The following ALDH1A2 variants were observed in gnomAD, a reference collection of about 807,000 sequenced individuals.
The protein encoded by ALDH1A2 is aldehyde dehydrogenase 1 family member A2.
Under a neutral mutation model 60.3 loss-of-function variants are expected in ALDH1A2, and 27 were observed. The ratio of observed to expected loss-of-function variants is 0.45; its 90% CI spans 0.33 to 0.62. ALDH1A2 has a LOEUF of 0.62. Among genes scored for constraint, ALDH1A2 ranks in the 20% least tolerant of loss-of-function variants. ALDH1A2 has a pLI of 0.02. For synonymous variants in ALDH1A2, 289 were observed against 232.4 expected, an observed-to-expected ratio of 1.24 and a Z score of -2.21; for missense variants, 581 against 643.8, an observed-to-expected ratio of 0.90 and a Z score of 1.06.
At chr15:57,977,132 T>G (rs1894286860) in intron 7 of ALDH1A2, among the ~76,000 whole-genome samples, 2 of 152,132 alleles carry the variant, frequency 1.3e-5, no homozygotes, top group Admixed American at 1.3e-4. Flanking sequence ...TTTAAGTTCC[T>G]TGTAGAGTCT....
intron 1 of ALDH1A2, among the ~76,000 whole-genome samples, chr15:58,045,966 T>C (rs1452267092): frequency 6.6e-6 from 1 of 152,032 alleles, no homozygotes; most frequent in African/African-American, 2.4e-5. Context: ...TAAGTACAAT[T>C]TCCTTTTGTC....
At chr15:58,021,118 T>C (rs1397649520) in intron 1 of ALDH1A2, among the ~76,000 whole-genome samples, 1 of 152,154 alleles carries the variant, frequency 6.6e-6, no homozygotes, top group African/African-American at 2.4e-5. Flanking sequence ...AACTATATCT[T>C]TATTATTTTG....
At chr15:58,053,759 T>C (rs897820389) in intron 1 of ALDH1A2, among the ~76,000 whole-genome samples, 1 of 152,168 alleles carries the variant, frequency 6.6e-6, no homozygotes, top group East Asian at 1.9e-4. Flanking sequence ...TTATGCTCAA[T>C]GTGCTGAACA....
intron 1 of ALDH1A2, among the ~76,000 whole-genome samples, chr15:58,052,584 C>T (rs536221913): frequency 9.2e-5 from 14 of 152,086 alleles, no homozygotes; most frequent in African/African-American, 3.4e-4. Context: ...AAGTGGCGTA[C>T]CCAGTATCAC....
At chr15:58,018,449 C>T (rs1221793979) in intron 1 of ALDH1A2, among the ~76,000 whole-genome samples, 1 of 151,504 alleles carries the variant, frequency 6.6e-6, no homozygotes, top group Non-Finnish European at 1.5e-5. Flanking sequence ...TGTAAAATAC[C>T]ATAGTAATAA....
chr15:58,014,429 T>C (rs1167327091), intron 1 of ALDH1A2, 148 bp from the exon 2 acceptor site: 1 of 726,828 alleles, frequency 1.4e-6, no homozygotes, highest in Middle Eastern at 2.3e-4. Context: ...CCTTCTAGAC[T>C]CAACGCCAAT....
chr15:58,025,793 T>C (rs1896063467), intron 1 of ALDH1A2, among the ~76,000 whole-genome samples: 1 of 152,236 alleles, frequency 6.6e-6, no homozygotes, highest in East Asian at 1.9e-4. Context: ...CACGGCAGAA[T>C]GTGAAGGGGA....
chr15:57,988,339 A>G (rs1001906322), intron 7 of ALDH1A2, among the ~76,000 whole-genome samples: 3 of 152,202 alleles, frequency 2.0e-5, no homozygotes, highest in Admixed American at 1.3e-4. Context: ...TAATAATGCA[A>G]AATAGAATAA....
chr15:58,040,470 G>A (rs1278327243), intron 1 of ALDH1A2, among the ~76,000 whole-genome samples: 1 of 151,888 alleles, frequency 6.6e-6, no homozygotes, highest in African/African-American at 2.4e-5. Context: ...GGCCCACTAT[G>A]TACTGTGAAC....
At chr15:58,017,624 T>C (rs893834973) in intron 1 of ALDH1A2, among the ~76,000 whole-genome samples, 5 of 152,110 alleles carry the variant, frequency 3.3e-5, no homozygotes, top group South Asian at 2.1e-4. Flanking sequence ...GAGATGATAA[T>C]GTTCTAGGTT....
chr15:57,968,902 A>G (rs74017085), intron 7 of ALDH1A2, among the ~76,000 whole-genome samples: 395 of 152,364 alleles, frequency 2.6e-3, no homozygotes, highest in African/African-American at 9.0e-3. Flanking sequence ...GTCTATGATC[A>G]TCAGAGAAGA....
At chr15:57,966,134 G>C (rs1374718815) in intron 7 of ALDH1A2, among the ~76,000 whole-genome samples, 3 of 152,202 alleles carry the variant, frequency 2.0e-5, no homozygotes, top group Non-Finnish European at 4.4e-5. Flanking sequence ...AAATGTAACT[G>C]GAGATTTCAA....
At chr15:57,995,020 T>A (rs1895004173) in intron 5 of ALDH1A2, 58 bp downstream of exon 5, 1 of 1,482,090 alleles carries the variant, frequency 6.7e-7, no homozygotes, top group Non-Finnish European at 9.4e-7. Flanking sequence ...GTTTTATGTG[T>A]CTTTAAGAGA....
intron 1 of ALDH1A2, among the ~76,000 whole-genome samples, chr15:58,029,251 C>T (rs1369393624): frequency 6.6e-6 from 1 of 152,070 alleles, no homozygotes; most frequent in Non-Finnish European, 1.5e-5. Flanking sequence ...CACTCAAAAC[C>T]GCATAACTAC....
chr15:58,036,729 G>T (rs1375304963), intron 1 of ALDH1A2: 1 of 151,672 alleles, frequency 6.6e-6, no homozygotes, highest in Admixed American at 6.6e-5. Flanking sequence ...TCAATGACAA[G>T]ATTACTCTAA....
intron 1 of ALDH1A2, chr15:58,014,644 C>T (rs1895738611): frequency 2.4e-6 from 1 of 419,948 alleles, no homozygotes; most frequent in African/African-American, 2.1e-5. Flanking sequence ...GCAGATCAAA[C>T]TTACAGTCAT....
chr15:58,047,292 T>C (rs992033600), intron 1 of ALDH1A2, among the ~76,000 whole-genome samples: 8 of 152,046 alleles, frequency 5.3e-5, no homozygotes, highest in Non-Finnish European at 1.0e-4. Context: ...CTGCAGTAGA[T>C]TGTACCTTGG....
At chr15:58,062,426 TC>T (rs1469767870) in intron 1 of ALDH1A2, among the ~76,000 whole-genome samples, 1 of 152,130 alleles carries the variant, frequency 6.6e-6, no homozygotes, top group Admixed American at 6.6e-5. Flanking sequence ...TTAAGAGATA[TC>T]CCCTGCAGTC....
chr15:58,053,286 C>A lies in ALDH1A2; in HGVS notation c.117+12248G>T, dbSNP rs113145868. On this transcript the variant is annotated intron_variant, in intron 1 of 12. Coordinates refer to ENST00000249750, the MANE Select transcript of ALDH1A2 (RefSeq NM_003888.4). ...CATGTGTGCCTATCACTGAAAATGACAGCAGAAATACTCCAAAAATTGTAA... is the reference window on the plus strand; with the variant it reads ...CATGTGTGCCTATCACTGAAAATGAAAGCAGAAATACTCCAAAAATTGTAA... Among the ~76,000 whole-genome samples the A allele has an allele frequency of 5.1e-4, 77 of 152,112 alleles. 2 individuals carry two copies. Among genetic ancestry groups the A allele is most frequent in the Non-Finnish European group, 1.2e-4 (8 of 68,010 alleles).
Sources: allele counts gnomAD v4.1 joint callset (sites outside exome capture counted in the v4.1 genomes callset), GRCh38; gene constraint gnomAD v4.1.1; transcripts MANE v1.5; gene names NCBI Gene and HGNC (gene_info 2026-07-23, HGNC 2026-07-21).